MICAL3: variants seen among roughly 807,000 people sequenced by gnomAD.
MICAL3 encodes the protein microtubule associated monooxygenase, calponin and LIM domain containing 3, also known as [F-actin]-monooxygenase MICAL3.
A neutral mutation model predicts 207.4 loss-of-function variants in MICAL3; 62 were observed. That is an observed-to-expected ratio of 0.30 (90% CI 0.24 to 0.37). The LOEUF (loss-of-function observed/expected upper bound fraction) is 0.37. Ranked by LOEUF, MICAL3 falls within the 10% of genes least tolerant of loss-of-function variation. The pLI, the probability that MICAL3 is intolerant of heterozygous loss-of-function variation, is 1.00. For missense variants in MICAL3, 2,368 were observed against 2,635.6 expected, an observed-to-expected ratio of 0.90 and a Z score of 2.22; for synonymous variants, 1,077 against 1,069.3, an observed-to-expected ratio of 1.01 and a Z score of -0.14.
At position 17,893,898 on chromosome 22, in the gene MICAL3, G is replaced by T. The variant is rs960003053; in HGVS notation, c.1456C>A (p.His486Asn). 1.9e-6 allele frequency: 3 copies of T among 1,553,180 alleles called. No individual in the cohort carries two copies. The African/African-American group carries it at 4.1e-5, about 21-fold the overall frequency. The change falls in exon 11 of 32, where the codon CAT (histidine) becomes AAT (asparagine). Residue 486 changes from histidine (H) to asparagine (N), a missense_variant. Around this residue, in one of 4 missense-constraint regions of MICAL3, gnomAD observed 147 missense variants for 137.7 expected, o/e 1.07. Transcript: ENST00000441493. ...TTTGTTTCGCCAGTATCATATAAATGGCGCACCTGGCAGAAATTTACAAAG... is the reference window on the plus strand; with the variant it reads ...TTTGTTTCGCCAGTATCATATAAATTGCGCACCTGGCAGAAATTTACAAAG... ...VNFLRPSQVR[H>N]LYDTGETKDI...
intron 1 of MICAL3, among the ~76,000 whole-genome samples, chr22:17,927,471 C>G (rs1305123995): frequency 6.6e-6 from 1 of 152,194 alleles, no homozygotes; most frequent in Non-Finnish European, 1.5e-5. Flanking sequence ...AACAAATCTA[C>G]TTAAGCCACC....
intron 13 of MICAL3, among the ~76,000 whole-genome samples, chr22:17,888,748 G>C (rs559702956): frequency 6.6e-6 from 1 of 152,352 alleles, no homozygotes; most frequent in South Asian, 2.1e-4. Flanking sequence ...CTGGCTCTGA[G>C]AGCACGAGCA....
Position 17,818,717 on chromosome 22 carries a change from T to C in MICAL3, c.3944A>G (p.Asp1315Gly), listed in dbSNP as rs2146009363. 1 of 1,613,134 alleles carries C rather than the reference T, an allele frequency of 6.2e-7. No individual in the cohort carries two copies. The highest frequency in any genetic ancestry group is 8.5e-7 in the Non-Finnish European group (1 of 1,179,470). The change falls in exon 26 of 32, where the codon GAT (aspartate) becomes GGT (glycine). Residue 1315 changes from aspartate (D) to glycine (G), a missense_variant. Transcript: ENST00000441493. ...KDRLGSPLAV[D>G]EALRRSDLVE... ...CAGGTCGCTCCGTCTGAGGGCCTCA[T>C]CCACAGCAAGGGGGCTGCCCAGTCT...
chr22:17,943,850 T>C (rs760750001), intron 1 of MICAL3, among the ~76,000 whole-genome samples: 4 of 152,212 alleles, frequency 2.6e-5, no homozygotes, highest in African/African-American at 9.6e-5. Context: ...AATTGTTAAA[T>C]TGGAAAAGGC....
chr22:17,872,169 G>C (rs1423767439), intron 16 of MICAL3, 146 bp from the exon 17 acceptor site: 1 of 688,072 alleles, frequency 1.5e-6, no homozygotes, highest in African/African-American at 1.8e-5. Context: ...ACGGTCAACT[G>C]TGCTCTTGGC....
In MICAL3 at chr22:17,889,152, G is replaced by A. The variant is rs755117466; in HGVS notation, c.1773C>T (p.Gly591=). The stretch of plus-strand genomic sequence containing the variant: ...CTTTGCCTGTCATGATGGGAGAAAT[G>A]CCCAATTCCTTCTCAGCAATGTCAA... ...LAFDIAEKEL[G]ISPIMTGKEM... is the part of the protein sequence containing the mutation. Residue 591 remains glycine (G), a synonymous_variant, in exon 13 of 32, where the codon GGC becomes GGT. Coordinates refer to ENST00000441493, the MANE Select transcript of MICAL3 (RefSeq NM_015241.3). The A allele has an allele frequency of 2.2e-5, 35 of 1,613,686 alleles. No homozygotes were observed. The South Asian group carries it at 3.6e-4, about 17-fold the overall frequency.
chr22:17,857,369 C>T (rs374200979), intron 19 of MICAL3, among the ~76,000 whole-genome samples: 1 of 152,350 alleles, frequency 6.6e-6, no homozygotes, highest in East Asian at 1.9e-4. Flanking sequence ...GAGAATCCAA[C>T]TAAGGCCTGA....
At chr22:17,805,771 C>T (rs2061983027) in intron 29 of MICAL3, among the ~76,000 whole-genome samples, 1 of 152,230 alleles carries the variant, frequency 6.6e-6, no homozygotes, top group African/African-American at 2.4e-5. Context: ...TCTTGTTGCC[C>T]AGGTTGGACT....
At chr22:17,958,832 T>A (rs533620292) in intron 1 of MICAL3, among the ~76,000 whole-genome samples, 2 of 151,666 alleles carry the variant, frequency 1.3e-5, no homozygotes, top group South Asian at 4.2e-4. Flanking sequence ...GCCTCCTGAG[T>A]AGCTGAGATT....
At chr22:17,942,976 A>T (rs1373671941) in intron 1 of MICAL3, among the ~76,000 whole-genome samples, 8 of 152,216 alleles carry the variant, frequency 5.3e-5, no homozygotes, top group Admixed American at 5.2e-4. Context: ...CTGAACTCAC[A>T]CAACACAGCC....
At chr22:17,961,726 A>T (rs189198280) in intron 1 of MICAL3, among the ~76,000 whole-genome samples, 2,324 of 152,200 alleles carry the variant, frequency 0.015, 23 homozygotes, top group Middle Eastern at 0.034. Context: ...CAAGGCCTGC[A>T]CCCCTAACCG....
At chr22:17,977,156 C>T (rs9605464) in intron 1 of MICAL3, among the ~76,000 whole-genome samples, 40,923 of 151,986 alleles carry the variant, frequency 0.27, 5,965 homozygotes, top group African/African-American at 0.37. Context: ...TGTGCAAATC[C>T]AGGTTTACTC....
chr22:17,899,587 G>C, intron 6 of MICAL3, 39 bp from the exon 7 acceptor site: 1 of 1,336,766 alleles, frequency 7.5e-7, no homozygotes, highest in Non-Finnish European at 1.1e-6. Context: ...TAAGTTTGCT[G>C]AGATGAAGGT....
chr22:17,831,878 C>T lies in MICAL3; in HGVS notation c.3031G>A (p.Glu1011Lys), dbSNP rs376048597. 31 of 1,553,330 alleles carry T rather than the reference C, an allele frequency of 2.0e-5. No individual in the cohort carries two copies. The highest frequency in any genetic ancestry group is 3.6e-5 in the South Asian group (3 of 84,118). ...CCTTCACTGGACTCTTCCTCCTCCT[C>T]GTCATAGTCCTCCTCCTCCTCCTCT... is the stretch of plus-strand genomic sequence containing the variant. ...YEEEEEEDYD[E>K]EEEESSEAGN... Residue 1011 changes from glutamate to lysine, a missense_variant, in exon 21 of 32, where the codon GAG becomes AAG. By Grantham distance (56) the Glu-to-Lys change is moderately conservative (BLOSUM62 1). Around this residue, in one of 4 missense-constraint regions of MICAL3, gnomAD observed 1,770 missense variants for 1,863.2 expected, o/e 0.95. Transcript: ENST00000441493.
chr22:17,797,118 G>A (rs1467317925), intron 29 of MICAL3, among the ~76,000 whole-genome samples: 1 of 152,212 alleles, frequency 6.6e-6, no homozygotes, highest in Admixed American at 6.5e-5. Context: ...GCCTACCTTA[G>A]TCCTTCTGGT....
At chr22:17,964,186 A>T (rs1438935795) in intron 1 of MICAL3, among the ~76,000 whole-genome samples, 1 of 152,146 alleles carries the variant, frequency 6.6e-6, no homozygotes, top group Non-Finnish European at 1.5e-5. Flanking sequence ...TGAAGAAAAG[A>T]GCCAATCAAG....
At chr22:17,899,943 T>A (rs1931183025) in intron 6 of MICAL3, among the ~76,000 whole-genome samples, 1 of 152,172 alleles carries the variant, frequency 6.6e-6, no homozygotes, top group Admixed American at 6.5e-5. Flanking sequence ...GATAGACAAC[T>A]TGACGCCTGG....
At chr22:17,899,815 A>G (rs1034322900) in intron 6 of MICAL3, among the ~76,000 whole-genome samples, 1 of 152,146 alleles carries the variant, frequency 6.6e-6, no homozygotes, top group Non-Finnish European at 1.5e-5. Context: ...AATAAAAACG[A>G]AACAAGCAAA....
rs1020923167 is a variant in MICAL3 at position 17,860,518 on chromosome 22, G to A, written c.2605+4381C>T. 8.1e-6 allele frequency: 8 copies of A among 985,314 alleles called. No individual in the cohort carries two copies. The East Asian group carries it at 4.5e-4, about 56-fold the overall frequency. The allele number at this position is 985,314 out of a possible 1,614,324, so 61.0% of individuals were successfully genotyped here. On this transcript the variant is annotated intron_variant, in intron 19 of 31. Coordinates refer to ENST00000441493, the MANE Select transcript of MICAL3 (RefSeq NM_015241.3). ...AAGTGAACCCCTTGGTGCCCTGCTC[G>A]GACCTTAAAGGCTATGGTGGAACTC...
Sources: gnomAD v4.1 joint callset for allele counts (sites outside exome capture counted in the v4.1 genomes callset) on GRCh38, gnomAD v4.1.1 for gene constraint, gnomAD v4.1.1 regional missense constraint, MANE v1.5 for transcripts, NCBI Gene and HGNC (gene_info 2026-07-23, HGNC 2026-07-21) for gene names.